The following TET3 variants were observed in gnomAD, a reference collection of about 807,000 sequenced individuals.
TET3 encodes the protein tet methylcytosine dioxygenase 3.
TET3 carries 19 observed loss-of-function variants against 141.4 expected under a neutral mutation model. That is an observed-to-expected ratio of 0.13 (90% confidence interval 0.09 to 0.20). TET3 has a LOEUF of 0.20. Among genes scored for constraint, TET3 ranks in the 10% least tolerant of loss-of-function variants. The pLI, the probability that TET3 is intolerant of heterozygous loss-of-function variation, is 1.00. For synonymous variants in TET3, 1,043 were observed against 980.9 expected (o/e 1.06, Z -1.18); for missense variants, 1,874 against 2,356.9 (o/e 0.80, Z 4.24).
chr2:74,038,166 CAGGGTCCCCAGCTCTCT>C (rs1396590130), intron 3 of TET3, among the ~76,000 whole-genome samples: 1 of 152,208 alleles, frequency 6.6e-6, no homozygotes, highest in Non-Finnish European at 1.5e-5. Context: ...ACCTTCAGCA[CAGGGTCCCCAGCTCTCT>C]GAAGGTGGGA....
chr2:74,043,156 T>C (rs1687433455), intron 3 of TET3, among the ~76,000 whole-genome samples: 1 of 152,244 alleles, frequency 6.6e-6, no homozygotes, highest in Admixed American at 6.5e-5. Context: ...TGCATGCTCT[T>C]TCCGTCTTCC....
intron 3 of TET3, among the ~76,000 whole-genome samples, chr2:74,004,061 C>T (rs1327807525): frequency 6.6e-6 from 1 of 152,092 alleles, no homozygotes; most frequent in African/African-American, 2.4e-5. Context: ...GCGGAGAAAA[C>T]AGATTGGGAG....
At chr2:74,056,598 G>C (rs538361336) in intron 4 of TET3, among the ~76,000 whole-genome samples, 50 of 152,222 alleles carry the variant, frequency 3.3e-4, no homozygotes, top group African/African-American at 1.2e-3. Context: ...ACATAAAATA[G>C]ATCTTTCTTT....
chr2:74,024,109 G>A (rs1429114892), intron 3 of TET3, among the ~76,000 whole-genome samples: 1 of 152,180 alleles, frequency 6.6e-6, no homozygotes, highest in Non-Finnish European at 1.5e-5. Flanking sequence ...TAGATATGTA[G>A]TTGTGTGTGA....
the TET3 span, among the ~76,000 whole-genome samples, chr2:74,123,860 T>A: frequency 2.7e-3 from 395 of 146,158 alleles, 1 homozygote; most frequent in South Asian, 0.023. Flanking sequence ...GGGGAGCGCC[T>A]CTGCCCCGCC....
chr2:74,049,397 T>G (rs1313809700), intron 4 of TET3, among the ~76,000 whole-genome samples: 2 of 152,106 alleles, frequency 1.3e-5, no homozygotes, highest in Non-Finnish European at 2.9e-5. Flanking sequence ...TTCTAAGCCT[T>G]GCCTTCTGGA....
At chr2:74,041,691 T>A (rs750368111) in intron 3 of TET3, among the ~76,000 whole-genome samples, 7 of 152,192 alleles carry the variant, frequency 4.6e-5, no homozygotes, top group Non-Finnish European at 8.8e-5. Context: ...TGGATTGTAG[T>A]GAAAATTTTT....
At chr2:74,097,893 G>GC (rs1296633878) in intron 10 of TET3, among the ~76,000 whole-genome samples, 2 of 152,106 alleles carry the variant, frequency 1.3e-5, no homozygotes, top group African/African-American at 4.8e-5. Flanking sequence ...GAATTAAGTA[G>GC]CCCTGGGAGG....
chr2:74,014,553 A>T (rs1427702028), intron 3 of TET3, among the ~76,000 whole-genome samples: 2 of 151,538 alleles, frequency 1.3e-5, no homozygotes, highest in Non-Finnish European at 2.9e-5. Context: ...GACCTGTGGA[A>T]TTTTTTTTTC....
chr2:74,031,242 G>GA (rs1558728416), intron 3 of TET3, among the ~76,000 whole-genome samples: 1 of 152,070 alleles, frequency 6.6e-6, no homozygotes, highest in Non-Finnish European at 1.5e-5. Flanking sequence ...GGAGGAAAAG[G>GA]AGAATGGAGG....
chr2:74,026,983 C>G (rs1437472591), intron 3 of TET3, among the ~76,000 whole-genome samples: 1 of 152,238 alleles, frequency 6.6e-6, no homozygotes, highest in Non-Finnish European at 1.5e-5. Flanking sequence ...AGGTATTCTT[C>G]CCATCTTTCT....
the TET3 span, chr2:74,122,511 A>ATTTTTTTT: frequency 6.1e-4 from 29 of 47,556 alleles, no homozygotes; most frequent in East Asian, 9.1e-4. Context: ...ATATATATAT[A>ATTTTTTTT]TTTTTTTTTT....
At position 74,083,918 on chromosome 2, in the gene TET3, C is replaced by T. The variant is rs72907193; in HGVS notation, c.2679+3327C>T. On this transcript the variant is annotated intron_variant, in intron 6 of 11. Transcript: ENST00000409262. ...AGCAGAAGTTGACCATAGTGCCTCGCAAACCCTAGTCACAGAGACCATGGC... is the reference window on the plus strand; with the variant it reads ...AGCAGAAGTTGACCATAGTGCCTCGTAAACCCTAGTCACAGAGACCATGGC... Among the ~76,000 whole-genome samples the T allele has an allele frequency of 3.5e-3, 540 of 152,296 alleles. 2 individuals are homozygous for T. Among genetic ancestry groups the T allele is most frequent in the African/African-American group, 0.012 (514 of 41,546 alleles).
intron 4 of TET3, among the ~76,000 whole-genome samples, chr2:74,050,281 A>G (rs1201207462): frequency 6.6e-6 from 1 of 152,236 alleles, no homozygotes; most frequent in Non-Finnish European, 1.5e-5. Flanking sequence ...TGTAGAATGA[A>G]AACGATAATA....
intron 3 of TET3, among the ~76,000 whole-genome samples, chr2:74,040,234 T>C (rs1687273080): frequency 6.6e-6 from 1 of 151,914 alleles, no homozygotes; most frequent in Admixed American, 6.6e-5. Context: ...GTGTGTGTGG[T>C]GTGTGTGCAT....
At chr2:74,080,458 G>GTTCTGCTGTGCTAATGGTGGC (rs1415716527) in intron 5 of TET3, 40 bp from the exon 6 acceptor site, 3 of 1,580,248 alleles carry the variant, frequency 1.9e-6, no homozygotes. Context: ...CTCCTTTGGG[G>GTTCTGCTGTGCTAATGGTGGC]TTCTGCTGTG....
chr2:74,051,719 G>A (rs1038432336), intron 4 of TET3, among the ~76,000 whole-genome samples: 3 of 152,170 alleles, frequency 2.0e-5, no homozygotes, highest in Non-Finnish European at 4.4e-5. Flanking sequence ...GCTCTATGAG[G>A]TAAATACTGT....
rs746165697 is a variant in TET3, at chr2:74,101,562, C to A, written c.4774C>A (p.Leu1592Met). The change falls in exon 12 of 12, where the codon CTG becomes ATG. Residue 1592 changes from leucine to methionine, a missense_variant. Transcript: ENST00000409262. The surrounding 1 kb of genome is among the most constrained non-coding windows in gnomAD (Gnocchi z 8.5). ...FGLPLGSSEKLFGALKSEEKL... is the reference protein window; with the variant it reads ...FGLPLGSSEKMFGALKSEEKL... ...TCTGCCCCTGGGATCCAGCGAGAAG[C>A]TGTTTGGGGCTCTGAAGTCAGAGGA... The A allele has an allele frequency of 1.9e-6, 3 of 1,608,954 alleles. No individual in the cohort carries two copies. In the Admixed American group the frequency reaches 5.1e-5, roughly 27 times the overall value.
intron 4 of TET3, among the ~76,000 whole-genome samples, chr2:74,065,667 TTC>T (rs777053452): frequency 8.0e-4 from 121 of 151,446 alleles, no homozygotes; most frequent in Non-Finnish European, 1.3e-3. Flanking sequence ...TCTTTTTTCT[TTC>T]TTTCTTTCCC....
Sources: gnomAD v4.1 joint callset for allele counts (sites outside exome capture counted in the v4.1 genomes callset) on GRCh38, gnomAD v4.1.1 for gene constraint, Gnocchi (gnomAD v3.1) non-coding constraint, MANE v1.5 for transcripts, NCBI Gene and HGNC (gene_info 2026-07-23, HGNC 2026-07-21) for gene names.